Variants in SCML4 observed in about 807,000 individuals in gnomAD.
The protein encoded by SCML4 is Scm polycomb group protein like 4.
SCML4 carries 34 observed loss-of-function variants against 41.1 expected under a neutral mutation model. The observed-to-expected ratio is 0.83, with a 90% CI of 0.63 to 1.10. The LOEUF (loss-of-function observed/expected upper bound fraction) is 1.10. Ranked by LOEUF, SCML4 falls within the 50% of genes least tolerant of loss-of-function variation. The pLI, the probability that SCML4 is intolerant of heterozygous loss-of-function variation, is 0.00. For missense variants in SCML4, 522 were observed against 534.1 expected (o/e 0.98, Z 0.22); for synonymous variants, 214 against 220.9 (o/e 0.97, Z 0.28).
intron 1 of SCML4, among the ~76,000 whole-genome samples, chr6:107,802,067 G>A (rs985871790): frequency 1.3e-5 from 2 of 151,946 alleles, no homozygotes; most frequent in Admixed American, 6.6e-5. Context: ...CACTGCACCC[G>A]GCCTATTCAT....
At chr6:107,733,306 T>G (rs1241788165) in intron 5 of SCML4, among the ~76,000 whole-genome samples, 2 of 152,198 alleles carry the variant, frequency 1.3e-5, no homozygotes, top group Non-Finnish European at 2.9e-5. Flanking sequence ...CATGTCCAGA[T>G]TGGAAGTTGT....
intron 6 of SCML4, chr6:107,719,973 T>C (rs902532794): frequency 1.8e-5 from 18 of 985,370 alleles, no homozygotes; most frequent in Non-Finnish European, 2.2e-5. Flanking sequence ...TTAGCCCTTA[T>C]AGCGCTTTTG....
the SCML4 span, among the ~76,000 whole-genome samples, chr6:107,837,245 C>G: frequency 6.6e-6 from 1 of 152,160 alleles, no homozygotes; most frequent in Non-Finnish European, 1.5e-5. Context: ...CCATTAGGAA[C>G]CATCATGGTG....
At chr6:107,789,501 C>T (rs1431769077) in intron 1 of SCML4, among the ~76,000 whole-genome samples, 2 of 152,208 alleles carry the variant, frequency 1.3e-5, no homozygotes, top group Non-Finnish European at 2.9e-5. Context: ...TGTCCTGCGT[C>T]GTTGACACAC....
chr6:107,798,435 T>C (rs1782868715), intron 1 of SCML4, among the ~76,000 whole-genome samples: 1 of 151,988 alleles, frequency 6.6e-6, no homozygotes, highest in Non-Finnish European at 1.5e-5. Context: ...ATATTCTTAG[T>C]GATGTAGAGA....
intron 2 of SCML4, among the ~76,000 whole-genome samples, chr6:107,751,280 G>A (rs746722040): frequency 3.3e-5 from 5 of 152,206 alleles, no homozygotes; most frequent in Admixed American, 2.0e-4. Context: ...TAAATAAGGA[G>A]GTTGAGGCAT....
upstream of SCML4, among the ~76,000 whole-genome samples, chr6:107,829,171 G>A (rs1481490078): frequency 1.3e-5 from 2 of 152,106 alleles, no homozygotes; most frequent in Admixed American, 6.5e-5. Flanking sequence ...CTTGAGTCCA[G>A]GAGTTCAAGA....
chr6:107,780,646 G>A (rs1365679894), intron 1 of SCML4, among the ~76,000 whole-genome samples: 1 of 151,988 alleles, frequency 6.6e-6, no homozygotes, highest in East Asian at 1.9e-4. Flanking sequence ...AGTTGAGGCT[G>A]CTGTGAGCCA....
intron 3 of SCML4, among the ~76,000 whole-genome samples, chr6:107,747,175 T>C (rs892736791): frequency 6.6e-6 from 1 of 152,214 alleles, no homozygotes; most frequent in Non-Finnish European, 1.5e-5. Flanking sequence ...AAGACCATTA[T>C]GGTGGCCCAC....
chr6:107,707,501 G>A (rs919820665), intron 7 of SCML4, among the ~76,000 whole-genome samples: 30 of 152,198 alleles, frequency 2.0e-4, no homozygotes, highest in Middle Eastern at 3.4e-3. Flanking sequence ...TTTAATCCTC[G>A]AAGTGGTTTA....
At chr6:107,835,675 T>C in the SCML4 span, among the ~76,000 whole-genome samples, 1 of 144,316 alleles carries the variant, frequency 6.9e-6, no homozygotes, top group South Asian at 2.1e-4. Context: ...TGAGATGGGA[T>C]GATCACTTGA....
intron 1 of SCML4, among the ~76,000 whole-genome samples, chr6:107,784,148 C>T (rs1310953975): frequency 6.6e-6 from 1 of 152,178 alleles, no homozygotes; most frequent in Non-Finnish European, 1.5e-5. Flanking sequence ...ACAGCATCTG[C>T]CTGCCCTTGA....
At chr6:107,742,793 G>A (rs529281820) in intron 5 of SCML4, among the ~76,000 whole-genome samples, 19 of 147,142 alleles carry the variant, frequency 1.3e-4, no homozygotes, top group African/African-American at 4.7e-4. Flanking sequence ...TACAAGAAAT[G>A]CTAAAGGCAG....
chr6:107,789,695 C>A (rs1354566732), intron 1 of SCML4, among the ~76,000 whole-genome samples: 4 of 152,198 alleles, frequency 2.6e-5, no homozygotes, highest in Admixed American at 2.6e-4. Flanking sequence ...ATCTCTGAGT[C>A]GTCCCTGAAC....
chr6:107,771,303 T>C (rs942220335), intron 2 of SCML4, among the ~76,000 whole-genome samples: 1 of 152,230 alleles, frequency 6.6e-6, no homozygotes, highest in Admixed American at 6.5e-5. Flanking sequence ...ATTTGCATTC[T>C]GGTTTCAGTA....
At chr6:107,764,743 C>T (rs1170680123) in intron 2 of SCML4, among the ~76,000 whole-genome samples, 1 of 152,190 alleles carries the variant, frequency 6.6e-6, no homozygotes, top group African/African-American at 2.4e-5. Flanking sequence ...AATTGTAGCT[C>T]CCATAATTCC....
At chr6:107,758,921 G>A (rs74752330) in intron 2 of SCML4, among the ~76,000 whole-genome samples, 3,242 of 152,134 alleles carry the variant, frequency 0.021, 103 homozygotes, top group African/African-American at 0.074. Context: ...TATGAGTGAT[G>A]GAAATAATTA....
At chr6:107,796,892 A>G (rs556930665) in intron 1 of SCML4, among the ~76,000 whole-genome samples, 1 of 152,214 alleles carries the variant, frequency 6.6e-6, no homozygotes, top group Admixed American at 6.5e-5. Context: ...CTTTCCGCAT[A>G]TGGATATAGA....
chr6:107,842,018 T>A, the SCML4 span, among the ~76,000 whole-genome samples: 3 of 152,212 alleles, frequency 2.0e-5, no homozygotes, highest in African/African-American at 7.2e-5. Flanking sequence ...GCTTAGTTTA[T>A]TGATTGGAGA....
Sources: gnomAD v4.1 joint callset for allele counts (sites outside exome capture counted in the v4.1 genomes callset) on GRCh38, gnomAD v4.1.1 for gene constraint, MANE v1.5 for transcripts, NCBI Gene and HGNC (gene_info 2026-07-23, HGNC 2026-07-21) for gene names.